C11orf65: variants seen among roughly 807,000 people sequenced by gnomAD.
C11orf65 encodes the protein chromosome 11 open reading frame 65, also known as protein MFI.
In C11orf65, 38 loss-of-function variants were observed where a neutral mutation model predicts 35.3. The observed-to-expected ratio is 1.08, with a 90% CI of 0.83 to 1.41. C11orf65 has a LOEUF of 1.41. C11orf65 is among the 40% of genes most tolerant of loss of function. C11orf65 has a pLI of 0.00. For missense variants in C11orf65, 370 were observed against 367.1 expected, an observed-to-expected ratio of 1.01 and a Z score of -0.06; for synonymous variants, 105 against 114.4, an observed-to-expected ratio of 0.92 and a Z score of 0.53.
At chr11:108,451,490 T>C (rs905543614) in intron 2 of C11orf65, among the ~76,000 whole-genome samples, 1 of 151,734 alleles carries the variant, frequency 6.6e-6, no homozygotes, top group Non-Finnish European at 1.5e-5. Flanking sequence ...AAACCACTGC[T>C]CAACAAAATA....
At chr11:108,382,160 C>G (rs1468667239), downstream of C11orf65, among the ~76,000 whole-genome samples, 1 of 152,176 alleles carries the variant, frequency 6.6e-6, no homozygotes, top group Non-Finnish European at 1.5e-5. Context: ...AAGCCAGAGC[C>G]ACCCAACTAA....
downstream of C11orf65, chr11:108,327,712 C>T (rs866740291): frequency 1.9e-6 from 3 of 1,614,012 alleles, no homozygotes; most frequent in Non-Finnish European, 1.7e-6. Context: ...TTAGCAGAAA[C>T]GTGCTTAGAA....
chr11:108,443,958 A>G (rs1183500336), intron 2 of C11orf65, among the ~76,000 whole-genome samples: 1 of 152,202 alleles, frequency 6.6e-6, no homozygotes, highest in African/African-American at 2.4e-5. Context: ...AAGGCAAGAA[A>G]TAACTAAGTT....
chr11:108,346,714 C>T (rs1420527640), intron 2 of C11orf65: 1 of 156,600 alleles, frequency 6.4e-6, no homozygotes, highest in Non-Finnish European at 1.4e-5. Context: ...TGATTCCCTA[C>T]CCAGTGTGTT....
downstream of C11orf65, among the ~76,000 whole-genome samples, chr11:108,380,447 T>C (rs1001173145): frequency 1.3e-5 from 2 of 152,216 alleles, no homozygotes; most frequent in Non-Finnish European, 2.9e-5. Context: ...AATTGACTTA[T>C]AAGGTGTGGA....
At chr11:108,388,526 G>A (rs1463944140) in intron 7 of C11orf65, among the ~76,000 whole-genome samples, 1 of 152,082 alleles carries the variant, frequency 6.6e-6, no homozygotes, top group Non-Finnish European at 1.5e-5. Flanking sequence ...AGCCAGAGAG[G>A]TCACAAAACT....
intron 2 of C11orf65, among the ~76,000 whole-genome samples, chr11:108,353,210 A>G (rs1477526049): frequency 6.6e-6 from 1 of 151,782 alleles, no homozygotes; most frequent in African/African-American, 2.4e-5. Flanking sequence ...GTGCAATGGC[A>G]CGATCTCAGC....
intron 6 of C11orf65, among the ~76,000 whole-genome samples, chr11:108,397,762 C>A (rs1009022986): frequency 1.3e-5 from 2 of 151,554 alleles, no homozygotes; most frequent in Admixed American, 6.5e-5. Context: ...ATGTAACACC[C>A]AGTCATAAGA....
chr11:108,329,680 G>T (rs1234004094), downstream of C11orf65, among the ~76,000 whole-genome samples: 1 of 152,168 alleles, frequency 6.6e-6, no homozygotes, highest in East Asian at 1.9e-4. Flanking sequence ...CAAAGTGCTG[G>T]GATTACAGGT....
intron 2 of C11orf65, chr11:108,369,177 A>G (rs1299666255): frequency 6.4e-6 from 1 of 156,880 alleles, no homozygotes; most frequent in Non-Finnish European, 1.4e-5. Flanking sequence ...CTAAGGAGAA[A>G]GCAGTGAGCA....
chr11:108,348,308 T>TA lies in C11orf65; in HGVS notation c.227-13017_227-13016insT, dbSNP rs572055622. Among the ~76,000 whole-genome samples the TA allele has an allele frequency of 2.5e-3, 376 of 151,798 alleles. 2 individuals are homozygous for TA. Among genetic ancestry groups the TA allele is most frequent in the African/African-American group, 8.7e-3 (359 of 41,474 alleles). ...AGTTTTGTAAATAATAAGAAAGTGA[T>TA]GAATTTAGTTTTGCTCATTATTTTG... On this transcript the variant is annotated intron_variant, in intron 2 of 3. Transcript: ENST00000524755.
chr11:108,434,950 T>A (rs571623060), intron 2 of C11orf65, among the ~76,000 whole-genome samples: 1 of 152,176 alleles, frequency 6.6e-6, no homozygotes, highest in Non-Finnish European at 1.5e-5. Context: ...ACTGGCCTGA[T>A]AGAATAGTGG....
intron 6 of C11orf65, among the ~76,000 whole-genome samples, chr11:108,401,654 G>A (rs2092441819): frequency 6.6e-6 from 1 of 152,022 alleles, no homozygotes; most frequent in Non-Finnish European, 1.5e-5. Flanking sequence ...CCAACCCCAT[G>A]AAATGCTTAA....
chr11:108,398,127 A>G (rs1213431805), intron 6 of C11orf65, among the ~76,000 whole-genome samples: 1 of 151,772 alleles, frequency 6.6e-6, no homozygotes, highest in Non-Finnish European at 1.5e-5. Flanking sequence ...AGCCCTTAAC[A>G]TATTTTAAGT....
downstream of C11orf65, chr11:108,330,094 T>G: frequency 1.0e-6 from 1 of 1,002,446 alleles, no homozygotes; most frequent in South Asian, 1.4e-5. Flanking sequence ...CTTAGAAGTT[T>G]GCTTTTTTCC....
At chr11:108,366,680 G>A (rs2091348588) in intron 2 of C11orf65, 1 of 231,374 alleles carries the variant, frequency 4.3e-6, no homozygotes, top group Admixed American at 5.6e-5. Flanking sequence ...TACCTGAAGT[G>A]TAGCATAAAT....
chr11:108,442,646 C>A (rs2093175663), intron 2 of C11orf65, among the ~76,000 whole-genome samples: 1 of 152,154 alleles, frequency 6.6e-6, no homozygotes, highest in African/African-American at 2.4e-5. Context: ...ACTCTACAAG[C>A]CAGAAGACAG....
intron 7 of C11orf65, among the ~76,000 whole-genome samples, chr11:108,387,676 T>C (rs1005581194): frequency 5.9e-5 from 9 of 152,106 alleles, no homozygotes; most frequent in African/African-American, 2.2e-4. Context: ...CACAGATGCA[T>C]GTCACCACAC....
intron 2 of C11orf65, among the ~76,000 whole-genome samples, chr11:108,443,455 C>T (rs149635105): frequency 2.4e-4 from 36 of 152,290 alleles, no homozygotes; most frequent in African/African-American, 7.5e-4. Flanking sequence ...GAATTGAACT[C>T]AGCTCTGCAC....
Sources: allele counts gnomAD v4.1 joint callset (sites outside exome capture counted in the v4.1 genomes callset), GRCh38; gene constraint gnomAD v4.1.1; transcripts MANE v1.5; gene names NCBI Gene and HGNC (gene_info 2026-07-23, HGNC 2026-07-21).